TMEM131: variants seen among roughly 807,000 people sequenced by gnomAD.
TMEM131 encodes the protein 2610524E03Rik.
TMEM131 carries 66 observed loss-of-function variants against 211.6 expected under a neutral mutation model. The ratio of observed to expected loss-of-function variants is 0.31; its 90% CI spans 0.26 to 0.38. TMEM131 has a LOEUF of 0.38. TMEM131 is among the 10% of genes least tolerant of loss of function. The pLI, the probability that TMEM131 is intolerant of heterozygous loss-of-function variation, is 1.00. For missense variants in TMEM131, 2,036 were observed against 2,299.3 expected, an observed-to-expected ratio of 0.89 and a Z score of 2.34; for synonymous variants, 844 against 841.3, an observed-to-expected ratio of 1.00 and a Z score of -0.06.
At chr2:97,965,774 A>C (rs935820477) in intron 1 of TMEM131, among the ~76,000 whole-genome samples, 5 of 151,888 alleles carry the variant, frequency 3.3e-5, no homozygotes, top group African/African-American at 9.7e-5. Context: ...AGATTGTGTA[A>C]AATTACCTAC....
At chr2:97,797,331 A>G (rs1430046754) in intron 26 of TMEM131, 34 bp downstream of exon 26, 19 of 1,533,590 alleles carry the variant, frequency 1.2e-5, no homozygotes, top group Non-Finnish European at 1.6e-5. Context: ...AGTAAGTAGT[A>G]AAAATGAACC....
At chr2:97,974,092 A>G (rs1193596216) in intron 1 of TMEM131, among the ~76,000 whole-genome samples, 1 of 152,214 alleles carries the variant, frequency 6.6e-6, no homozygotes, top group African/African-American at 2.4e-5. Flanking sequence ...CAAGACAATA[A>G]AACAGGTATT....
Position 97,792,973 on chromosome 2 carries a change from A to G in TMEM131, c.3557T>C (p.Leu1186Pro), listed in dbSNP as rs768168887. ...GISSEGNLNT[L>P]SCDPGHSRGF... is the part of the protein sequence containing the mutation. The stretch of plus-strand genomic sequence containing the variant: ...CCTACTGTGACCGGGGTCACAGCTG[A>G]GTGTGTTCAAGCTGAAAAAGGGACC... Residue 1186 changes from leucine (L) to proline (P), a missense_variant, in exon 31 of 41, where the codon CTC becomes CCC. Physicochemically the swap from Leu to Pro is moderately conservative, Grantham distance 98 (BLOSUM62 -3). Coordinates refer to ENST00000186436, the MANE Select transcript of TMEM131 (RefSeq NM_015348.2). 4 of 1,565,120 alleles carry G rather than the reference A, an allele frequency of 2.6e-6. No homozygotes were observed. The highest frequency in any genetic ancestry group is 2.6e-6 in the Non-Finnish European group (3 of 1,155,852).
chr2:97,815,233 G>A lies in TMEM131; in HGVS notation c.1258C>T (p.Leu420Phe). 3 of 1,568,398 alleles carry A rather than the reference G, an allele frequency of 1.9e-6. No homozygotes were observed. The highest frequency in any genetic ancestry group is 2.6e-6 in the Non-Finnish European group (3 of 1,167,102). ...ACTTCTGCTTGATATGGTATTTCAA[G>A]TTTAGAATAACTCTTTTCCTTTGCT... ...VKAKEKSYSK[L>F]EIPYQAEVLD... Residue 420 changes from leucine to phenylalanine, a missense_variant, in exon 13 of 41, where the codon CTT becomes TTT. By Grantham distance (22) the Leu-to-Phe change is conservative. Coordinates refer to ENST00000186436, the MANE Select transcript of TMEM131 (RefSeq NM_015348.2).
intron 4 of TMEM131, among the ~76,000 whole-genome samples, chr2:97,876,813 A>G (rs985846544): frequency 6.6e-6 from 1 of 152,246 alleles, no homozygotes; most frequent in African/African-American, 2.4e-5. Context: ...GCCCTGTCTC[A>G]TCACCCCTAT....
chr2:97,903,249 C>T (rs1270526666), intron 3 of TMEM131, among the ~76,000 whole-genome samples: 1 of 152,044 alleles, frequency 6.6e-6, no homozygotes, highest in Non-Finnish European at 1.5e-5. Context: ...GCTGGGGACA[C>T]GTAAATGACA....
Position 97,762,197 on chromosome 2 carries a change from G to C in TMEM131, c.4727C>G (p.Thr1576Ser), listed in dbSNP as rs1318604720. 4.3e-6 allele frequency: 7 copies of C among 1,613,856 alleles called. No individual in the cohort carries two copies. The highest frequency in any genetic ancestry group is 5.9e-6 in the Non-Finnish European group (7 of 1,179,850). The change falls in exon 36 of 41, where the codon ACT becomes AGT. Residue 1576 changes from threonine (T) to serine (S), a missense_variant. Thr to Ser is a moderately conservative substitution (Grantham distance 58, BLOSUM62 1). Coordinates refer to ENST00000186436, the MANE Select transcript of TMEM131 (RefSeq NM_015348.2). ...SVPVHKPGSS[T>S]DSLYKLSLQT... ...CAGAGAAAGTTTATAAAGACTATCAGTAGCTGGAAATTAAAAACAAACGGG... is the reference window on the plus strand; with the variant it reads ...CAGAGAAAGTTTATAAAGACTATCACTAGCTGGAAATTAAAAACAAACGGG...
intron 3 of TMEM131, chr2:97,907,272 T>A (rs1676113356): frequency 1.3e-5 from 2 of 152,186 alleles, no homozygotes; most frequent in South Asian, 2.1e-4. Context: ...CAACAGGGCA[T>A]ATAATATTAG....
chr2:97,929,200 C>T (rs1412846392), intron 1 of TMEM131, among the ~76,000 whole-genome samples: 1 of 151,656 alleles, frequency 6.6e-6, no homozygotes, highest in African/African-American at 2.4e-5. Flanking sequence ...CCAAATCCTA[C>T]ACTGATGGGG....
intron 33 of TMEM131, among the ~76,000 whole-genome samples, chr2:97,769,758 A>C (rs1057137602): frequency 6.6e-6 from 1 of 152,260 alleles, no homozygotes; most frequent in African/African-American, 2.4e-5. Context: ...GGTTCTGCAG[A>C]AACCTTCAGT....
intron 33 of TMEM131, among the ~76,000 whole-genome samples, chr2:97,768,954 A>T (rs1679331649): frequency 1.4e-5 from 2 of 147,246 alleles, no homozygotes; most frequent in South Asian, 4.3e-4. Flanking sequence ...GCCAGGCTTT[A>T]TTTATTTATT....
chr2:97,796,158 T>C (rs76571191), intron 28 of TMEM131, 60 bp downstream of exon 28: 7 of 1,022,112 alleles, frequency 6.8e-6, no homozygotes, highest in Admixed American at 3.2e-5. Flanking sequence ...TGAAAACATA[T>C]CTTTGCACAG....
intron 5 of TMEM131, among the ~76,000 whole-genome samples, chr2:97,848,145 G>C (rs1683533677): frequency 6.6e-6 from 1 of 152,140 alleles, no homozygotes; most frequent in African/African-American, 2.4e-5. Flanking sequence ...TCCAAAACCA[G>C]ACTCACACAT....
chr2:97,874,192 T>A (rs1004448631), intron 4 of TMEM131, among the ~76,000 whole-genome samples: 1 of 152,062 alleles, frequency 6.6e-6, no homozygotes, highest in Non-Finnish European at 1.5e-5. Context: ...TAAAAAGGAA[T>A]GAACAAAGCC....
chr2:97,956,695 T>G (rs1678582201), intron 1 of TMEM131, among the ~76,000 whole-genome samples: 1 of 152,202 alleles, frequency 6.6e-6, no homozygotes, highest in Admixed American at 6.5e-5. Flanking sequence ...ACTAGATTTT[T>G]TTTTTACTAC....
At chr2:97,921,970 A>G (rs1578957) in intron 2 of TMEM131, among the ~76,000 whole-genome samples, 25,170 of 152,188 alleles carry the variant, frequency 0.17, 2,893 homozygotes, top group Non-Finnish European at 0.24. Flanking sequence ...TTGGAAAACT[A>G]TATGCATTAT....
At chr2:97,840,143 T>C (rs191534877) in intron 7 of TMEM131, among the ~76,000 whole-genome samples, 3 of 152,374 alleles carry the variant, frequency 2.0e-5, no homozygotes, top group East Asian at 3.9e-4. Context: ...GTAACTTTGG[T>C]GTTCCATTTG....
intron 1 of TMEM131, among the ~76,000 whole-genome samples, chr2:97,940,958 G>C (rs570767117): frequency 2.6e-5 from 4 of 152,034 alleles, no homozygotes; most frequent in South Asian, 4.2e-4. Context: ...TTCTTCACAG[G>C]ATTGGAAAAT....
intron 1 of TMEM131, among the ~76,000 whole-genome samples, chr2:97,928,937 A>G (rs1015712340): frequency 6.6e-6 from 1 of 151,900 alleles, no homozygotes; most frequent in Non-Finnish European, 1.5e-5. Flanking sequence ...GAATATTTAT[A>G]GATGTGTATA....
Sources: gnomAD v4.1 joint callset for allele counts (sites outside exome capture counted in the v4.1 genomes callset) on GRCh38, gnomAD v4.1.1 for gene constraint, MANE v1.5 for transcripts, NCBI Gene and HGNC (gene_info 2026-07-23, HGNC 2026-07-21) for gene names.